SPRED1: variants seen among roughly 807,000 people sequenced by gnomAD.
SPRED1 encodes the protein sprouty-related, EVH1 domain-containing protein 1.
A neutral mutation model predicts 52.3 loss-of-function variants in SPRED1; 18 were observed. The observed-to-expected ratio is 0.34, with a 90% CI of 0.24 to 0.51. The LOEUF (loss-of-function observed/expected upper bound fraction) is 0.51, where lower values mean the gene tolerates loss of function less well. Among genes scored for constraint, SPRED1 ranks in the 20% least tolerant of loss-of-function variants. The pLI is 0.97. For synonymous variants in SPRED1, 155 were observed against 179.7 expected (o/e 0.86, Z 1.10); for missense variants, 485 against 551.0 (o/e 0.88, Z 1.20).
At chr15:38,322,854 A>G (rs999224364) in intron 3 of SPRED1, among the ~76,000 whole-genome samples, 8 of 152,102 alleles carry the variant, frequency 5.3e-5, no homozygotes, top group African/African-American at 1.7e-4. Context: ...TCTTTACTTG[A>G]TTGATTTCAT....
chr15:38,309,215 G>A (rs1240791725), intron 2 of SPRED1, among the ~76,000 whole-genome samples: 3 of 151,920 alleles, frequency 2.0e-5, no homozygotes, highest in Admixed American at 6.6e-5. Context: ...ATCTTGGCTC[G>A]CTACAACCTC....
chr15:38,307,149 A>G (rs1895266105), intron 2 of SPRED1, among the ~76,000 whole-genome samples: 1 of 152,138 alleles, frequency 6.6e-6, no homozygotes, highest in Non-Finnish European at 1.5e-5. Context: ...TTTCTGCACT[A>G]CTTTTGTTTT....
intron 4 of SPRED1, among the ~76,000 whole-genome samples, chr15:38,338,232 G>T (rs1263995335): frequency 5.4e-5 from 8 of 148,300 alleles, no homozygotes; most frequent in African/African-American, 1.5e-4. Context: ...AAAAAGGAAA[G>T]AAATTGTGGT....
intron 4 of SPRED1, among the ~76,000 whole-genome samples, chr15:38,327,029 G>A (rs551618057): frequency 1.3e-5 from 2 of 152,256 alleles, no homozygotes; most frequent in South Asian, 4.1e-4. Flanking sequence ...CCCTCTGCCT[G>A]TCCTACCATT....
At position 38,354,848 on chromosome 15, in the gene SPRED1, C is replaced by T. The variant is rs1888577007; in HGVS notation, c.*3184C>T. 1 of 152,104 alleles carries T rather than the reference C, an allele frequency of 6.6e-6. No homozygotes were observed. 9.4% of individuals were successfully genotyped at this position (152,104 alleles called of 1,614,324 possible). ...CCATTACCAAAATGGTATTTTTTTCCTCCTTCCGCCAGTCAGGGAGAATTT... is the reference window on the plus strand; with the variant it reads ...CCATTACCAAAATGGTATTTTTTTCTTCCTTCCGCCAGTCAGGGAGAATTT... On this transcript the variant is annotated 3_prime_UTR_variant, in exon 7 of 7. Coordinates refer to ENST00000299084, the MANE Select transcript of SPRED1 (RefSeq NM_152594.3).
Position 38,346,712 on chromosome 15 carries a change from A to G in SPRED1, c.583-2710A>G, listed in dbSNP as rs1032399459. Reference sequence around the variant, plus strand: ...TTGTTACAGGCATACTGCTAGTACAAACTTTCTTGTCCGCAGCTATTCATG... The same window carrying G: ...TTGTTACAGGCATACTGCTAGTACAGACTTTCTTGTCCGCAGCTATTCATG... On this transcript the variant is annotated intron_variant, in intron 5 of 6. Coordinates refer to ENST00000299084, the MANE Select transcript of SPRED1 (RefSeq NM_152594.3). 5.3e-5 allele frequency among the ~76,000 whole-genome samples: 8 copies of G among 152,148 alleles called. No homozygotes were observed. The East Asian group carries it at 5.8e-4, about 11-fold the overall frequency.
intron 1 of SPRED1, among the ~76,000 whole-genome samples, chr15:38,292,942 T>C (rs1357912495): frequency 2.6e-5 from 4 of 152,074 alleles, no homozygotes; most frequent in Non-Finnish European, 5.9e-5. Context: ...GTAATAACAT[T>C]TATTGGGCAC....
At chr15:38,257,028 T>G (rs1894111895) in intron 1 of SPRED1, among the ~76,000 whole-genome samples, 1 of 152,108 alleles carries the variant, frequency 6.6e-6, no homozygotes, top group Non-Finnish European at 1.5e-5. Context: ...GCTTTCTCAC[T>G]TAAAACTTTA....
chr15:38,349,848 A>T (rs1888443140), intron 6 of SPRED1, among the ~76,000 whole-genome samples: 1 of 152,176 alleles, frequency 6.6e-6, no homozygotes, highest in South Asian at 2.1e-4. Context: ...TAGGAAATAG[A>T]AGTTTGCCCC....
At chr15:38,306,845 A>G (rs548767460) in intron 2 of SPRED1, among the ~76,000 whole-genome samples, 1 of 152,266 alleles carries the variant, frequency 6.6e-6, no homozygotes, top group African/African-American at 2.4e-5. Context: ...TTCTTCTTTC[A>G]AACCCTGCAT....
chr15:38,283,162 G>A (rs1237935403), intron 1 of SPRED1, among the ~76,000 whole-genome samples: 3 of 152,166 alleles, frequency 2.0e-5, no homozygotes, highest in African/African-American at 4.8e-5. Flanking sequence ...GACAGAAGGC[G>A]AAGGGGAAGT....
chr15:38,283,730 T>C (rs1467173724), intron 1 of SPRED1, among the ~76,000 whole-genome samples: 1 of 152,202 alleles, frequency 6.6e-6, no homozygotes, highest in African/African-American at 2.4e-5. Flanking sequence ...GATGTGATCT[T>C]GTGCGAATCA....
intron 1 of SPRED1, among the ~76,000 whole-genome samples, chr15:38,295,349 C>T (rs1895012820): frequency 6.6e-6 from 1 of 152,120 alleles, no homozygotes; most frequent in South Asian, 2.1e-4. Context: ...TCAAAGCCAT[C>T]CTGGGCCACA....
At chr15:38,273,677 A>G (rs563688551) in intron 1 of SPRED1, among the ~76,000 whole-genome samples, 1 of 152,180 alleles carries the variant, frequency 6.6e-6, no homozygotes, top group Non-Finnish European at 1.5e-5. Flanking sequence ...ATTTAAATTT[A>G]AATGATAATT....
chr15:38,325,602 T>A (rs937657473), intron 4 of SPRED1, among the ~76,000 whole-genome samples: 1 of 152,154 alleles, frequency 6.6e-6, no homozygotes. Flanking sequence ...TTTTTTCTTA[T>A]GCCTTTCAAC....
chr15:38,308,300 A>G (rs1895291742), intron 2 of SPRED1, among the ~76,000 whole-genome samples: 1 of 152,182 alleles, frequency 6.6e-6, no homozygotes, highest in Non-Finnish European at 1.5e-5. Flanking sequence ...TTGCAAAACT[A>G]TATTGTCATA....
intron 4 of SPRED1, among the ~76,000 whole-genome samples, chr15:38,339,150 T>C (rs1156451756): frequency 8.4e-6 from 1 of 119,470 alleles, no homozygotes; most frequent in Non-Finnish European, 1.8e-5. Context: ...AATTATTGTT[T>C]ATGACATTTT....
intron 1 of SPRED1, among the ~76,000 whole-genome samples, chr15:38,295,928 G>C (rs929863786): frequency 2.6e-5 from 4 of 151,868 alleles, no homozygotes; most frequent in Non-Finnish European, 5.9e-5. Flanking sequence ...CCTTCTTGGT[G>C]GAGAGAAAAG....
At chr15:38,274,004 T>TC (rs1387857388) in intron 1 of SPRED1, among the ~76,000 whole-genome samples, 2 of 152,220 alleles carry the variant, frequency 1.3e-5, no homozygotes, top group African/African-American at 4.8e-5. Flanking sequence ...GAGAACTTTT[T>TC]CACTATCACA....
Sources: allele counts gnomAD v4.1 joint callset (sites outside exome capture counted in the v4.1 genomes callset), GRCh38; gene constraint gnomAD v4.1.1; transcripts MANE v1.5; gene names NCBI Gene and HGNC (gene_info 2026-07-23, HGNC 2026-07-21).